CNGB3: variants seen among roughly 807,000 people sequenced by gnomAD.
CNGB3 encodes the protein cyclic nucleotide-gated channel beta-3.
Under a neutral mutation model 92.8 loss-of-function variants are expected in CNGB3, and 86 were observed. That is an observed-to-expected ratio of 0.93 (90% CI 0.78 to 1.11). CNGB3 has a LOEUF of 1.11. Ranked by LOEUF, CNGB3 falls within the 50% of genes least tolerant of loss-of-function variation. The pLI, the probability that CNGB3 is intolerant of heterozygous loss-of-function variation, is 0.00. For missense variants in CNGB3, 1,026 were observed against 956.8 expected (o/e 1.07, Z -0.95); for synonymous variants, 333 against 332.7 (o/e 1.00, Z -0.01).
At chr8:86,697,371 A>G (rs1824468644) in intron 3 of CNGB3, among the ~76,000 whole-genome samples, 1 of 152,228 alleles carries the variant, frequency 6.6e-6, no homozygotes. Context: ...GATCTTCACA[A>G]TACAAAATAT....
chr8:86,685,068 C>A (rs1418485381), intron 3 of CNGB3, among the ~76,000 whole-genome samples: 1 of 152,050 alleles, frequency 6.6e-6, no homozygotes, highest in Non-Finnish European at 1.5e-5. Flanking sequence ...TTTTCAATAT[C>A]CTGGTTGTGA....
intron 3 of CNGB3, among the ~76,000 whole-genome samples, chr8:86,714,181 C>T (rs1007082426): frequency 6.6e-6 from 1 of 152,108 alleles, no homozygotes; most frequent in Non-Finnish European, 1.5e-5. Context: ...ATTTGTCTTC[C>T]TAACCCCCCA....
chr8:86,695,081 G>C (rs563987346), intron 3 of CNGB3, among the ~76,000 whole-genome samples: 1 of 152,214 alleles, frequency 6.6e-6, no homozygotes, highest in Non-Finnish European at 1.5e-5. Flanking sequence ...GATCACTCGC[G>C]GTAAGGAGCT....
At chr8:86,737,612 G>T (rs13262936) in intron 2 of CNGB3, among the ~76,000 whole-genome samples, 1 of 151,844 alleles carries the variant, frequency 6.6e-6, no homozygotes, top group African/African-American at 2.4e-5. Context: ...TTAGGTTCAG[G>T]AGTACATGTG....
At chr8:86,625,671 T>G (rs2131580022) in intron 13 of CNGB3, among the ~76,000 whole-genome samples, 2 of 152,208 alleles carry the variant, frequency 1.3e-5, no homozygotes, top group Middle Eastern at 3.4e-3. Context: ...CATTTATAGA[T>G]GGGAGGTGAT....
chr8:86,719,429 A>T (rs1824924103), intron 3 of CNGB3, among the ~76,000 whole-genome samples: 1 of 152,212 alleles, frequency 6.6e-6, no homozygotes, highest in African/African-American at 2.4e-5. Context: ...AGTAGCTGCA[A>T]AAAGTAAAAT....
chr8:86,671,849 G>A (rs1253362462), intron 3 of CNGB3, among the ~76,000 whole-genome samples: 1 of 152,176 alleles, frequency 6.6e-6, no homozygotes, highest in African/African-American at 2.4e-5. Context: ...TGAGAGCCTA[G>A]TCTGGCCTGG....
intron 14 of CNGB3, among the ~76,000 whole-genome samples, chr8:86,607,158 T>A (rs1822426959): frequency 6.6e-6 from 1 of 152,178 alleles, no homozygotes; most frequent in Admixed American, 6.5e-5. Flanking sequence ...TTTTTAATGA[T>A]CATTTCAATA....
intron 6 of CNGB3, chr8:86,657,631 C>G (rs926401598): frequency 2.5e-6 from 1 of 406,226 alleles, no homozygotes; most frequent in Non-Finnish European, 5.0e-6. Flanking sequence ...CCTGTGGGAG[C>G]TGGGGCACCT....
intron 3 of CNGB3, among the ~76,000 whole-genome samples, chr8:86,715,086 T>C (rs1824825691): frequency 6.6e-6 from 1 of 152,000 alleles, no homozygotes; most frequent in Non-Finnish European, 1.5e-5. Context: ...AAAGACGTAA[T>C]ATCTTGGGAG....
chr8:86,676,337 A>G (rs1041347287), intron 3 of CNGB3, among the ~76,000 whole-genome samples: 1 of 152,134 alleles, frequency 6.6e-6, no homozygotes, highest in Non-Finnish European at 1.5e-5. Context: ...TTGATAATAT[A>G]AAGGGAAGGT....
At chr8:86,707,735 A>G (rs1192376602) in intron 3 of CNGB3, 3 of 152,224 alleles carry the variant, frequency 2.0e-5, no homozygotes, top group Non-Finnish European at 4.4e-5. Flanking sequence ...TATGAGGGCA[A>G]AGATTGGAAG....
At chr8:86,684,243 A>G (rs751650274) in intron 3 of CNGB3, among the ~76,000 whole-genome samples, 1 of 152,164 alleles carries the variant, frequency 6.6e-6, no homozygotes, top group Non-Finnish European at 1.5e-5. Flanking sequence ...GTAAATGAAA[A>G]GGTGTCTCGC....
chr8:86,716,790 G>T (rs554606007), intron 3 of CNGB3, among the ~76,000 whole-genome samples: 31 of 152,204 alleles, frequency 2.0e-4, no homozygotes, highest in African/African-American at 7.2e-4. Context: ...ATCTCATGCG[G>T]TCTATATAAC....
rs148884146 is a variant in CNGB3 at position 86,643,819 on chromosome 8, A to G, written c.1110T>C (p.Val370=). The part of the protein sequence containing the change: ...LLFILHINAC[V]YYWASNYEGI... The stretch of plus-strand genomic sequence containing the variant: ...CTTCATAGTTTGAAGCCCAGTAATA[A>G]ACACAGGCATTAATGTGCAGAATAA... The change falls in exon 10 of 18, where the codon GTT becomes GTC. Residue 370 remains valine (V), a synonymous_variant. Coordinates refer to ENST00000320005, the MANE Select transcript of CNGB3 (RefSeq NM_019098.5). 1.8e-4 allele frequency: 285 copies of G among 1,607,308 alleles called. No homozygotes were observed. The highest frequency in any genetic ancestry group is 2.2e-4 in the Non-Finnish European group (254 of 1,175,720).
chr8:86,654,905 T>G (rs1823473733), intron 6 of CNGB3, among the ~76,000 whole-genome samples: 1 of 152,178 alleles, frequency 6.6e-6, no homozygotes, highest in African/African-American at 2.4e-5. Flanking sequence ...CCGTGCGGGT[T>G]GATGCTACCA....
chr8:86,626,149 T>A, intron 12 of CNGB3, 69 bp from the exon 13 acceptor site: 1 of 1,234,022 alleles, frequency 8.1e-7, no homozygotes, highest in South Asian at 1.2e-5. Context: ...AAGGTACAAG[T>A]AGAAAAATTT....
rs534895469 is a variant in CNGB3 at position 86,736,673 on chromosome 8, G to A, written c.211+2982C>T. Among the ~76,000 whole-genome samples, 21 of 152,106 alleles carry A rather than the reference G, an allele frequency of 1.4e-4. No individual in the cohort carries two copies. The East Asian group carries it at 4.1e-3, about 29-fold the overall frequency. On this transcript the variant is annotated intron_variant, in intron 2 of 17. Coordinates refer to ENST00000320005, the MANE Select transcript of CNGB3 (RefSeq NM_019098.5). ...ATCACATTTTGGTGTATGCATTCAA[G>A]ATTGTTGTATAGTCTACAAAAGGGT...
In CNGB3 at chr8:86,628,923, C is replaced by A; in HGVS notation, c.1476G>T (p.Met492Ile). 2 of 1,613,844 alleles carry A rather than the reference C, an allele frequency of 1.2e-6. No homozygotes were observed. The highest frequency in any genetic ancestry group is 1.7e-6 in the Non-Finnish European group (2 of 1,179,802). ...WYEYTWDSQR[M>I]LDESDLLKTL... ...TCGGTAATCTGCCATGCTTACCTAG[C>A]ATTCTTTGAGAGTCCCATGTATATT... is the stretch of plus-strand genomic sequence containing the variant. The change falls in exon 12 of 18, where the codon ATG becomes ATT. Residue 492 changes from methionine to isoleucine, a missense_variant. Met to Ile is a conservative substitution (Grantham distance 10). Transcript: ENST00000320005.
Sources: gnomAD v4.1 joint callset for allele counts (sites outside exome capture counted in the v4.1 genomes callset) on GRCh38, gnomAD v4.1.1 for gene constraint, MANE v1.5 for transcripts, NCBI Gene and HGNC (gene_info 2026-07-23, HGNC 2026-07-21) for gene names.